The following PLEKHA8 variants were observed in gnomAD, a reference collection of about 807,000 sequenced individuals.
PLEKHA8 encodes the protein pleckstrin homology domain containing A8, also known as pleckstrin homology domain-containing family A member 8.
In PLEKHA8, 36 loss-of-function variants were observed where a neutral mutation model predicts 68.2. The ratio of observed to expected loss-of-function variants is 0.53; its 90% confidence interval spans 0.40 to 0.70. The LOEUF is 0.70. PLEKHA8 is among the 30% of genes least tolerant of loss of function. PLEKHA8 has a pLI of 0.00. For missense variants in PLEKHA8, 505 were observed against 615.4 expected, an observed-to-expected ratio of 0.82 and a Z score of 1.90; for synonymous variants, 211 against 216.1, an observed-to-expected ratio of 0.98 and a Z score of 0.20.
intron 9 of PLEKHA8, among the ~76,000 whole-genome samples, chr7:30,057,941 T>A (rs1793126451): frequency 6.6e-6 from 1 of 152,246 alleles, no homozygotes; most frequent in African/African-American, 2.4e-5. Context: ...GTATTTTAGT[T>A]GTTTGACTTC....
chr7:30,114,155 C>T (rs894405971), intron 13 of PLEKHA8, among the ~76,000 whole-genome samples: 1 of 152,056 alleles, frequency 6.6e-6, no homozygotes, highest in South Asian at 2.1e-4. Context: ...CACCTCAGTC[C>T]CCCAAAGTGC....
At chr7:30,104,713 C>CT (rs34669397) in intron 13 of PLEKHA8, among the ~76,000 whole-genome samples, 7,486 of 102,834 alleles carry the variant, frequency 0.073, 862 homozygotes, top group Non-Finnish European at 0.1. Flanking sequence ...GTCACAACAG[C>CT]TTTTTTTTTT....
intron 13 of PLEKHA8, 52 bp downstream of exon 13, chr7:30,074,184 G>A (rs979572030): frequency 2.7e-6 from 4 of 1,499,890 alleles, no homozygotes; most frequent in African/African-American, 2.8e-5. Flanking sequence ...TATGCCAGTG[G>A]CTAGGGCTAG....
chr7:30,046,216 C>G lies in PLEKHA8; in HGVS notation c.164C>G (p.Ser55Cys). The change falls in exon 3 of 14, where the codon TCT (serine) becomes TGT (cysteine). Residue 55 changes from serine (S) to cysteine (C), a missense_variant. Transcript: ENST00000449726. ...CCCTCTGTCTTGCTCCCAGTTCATT[C>G]TGTAGATAATACACGCATGGACCTG... ...QMAVCEIQVH[S>C]VDNTRMDLII... 1 of 1,601,222 alleles carries G rather than the reference C, an allele frequency of 6.2e-7. No individual in the cohort carries two copies. Among genetic ancestry groups the G allele is most frequent in the Non-Finnish European group, 8.5e-7 (1 of 1,173,770 alleles).
In PLEKHA8 at chr7:30,078,864, C is replaced by T; in HGVS notation, c.*77C>T. The T allele has an allele frequency of 6.6e-7, 1 of 1,525,210 alleles. No homozygotes were observed. The highest frequency in any genetic ancestry group is 8.8e-7 in the Non-Finnish European group (1 of 1,135,546). 94.5% of individuals were successfully genotyped at this position (1,525,210 alleles called of 1,614,324 possible). ...TGTTGCCCTACTTAATTTCCAGCAA[C>T]AGCCTCAACCCTCTCCAACCCCTTC... On this transcript the variant is annotated 3_prime_UTR_variant, in exon 14 of 14. Transcript: ENST00000449726.
downstream of PLEKHA8, among the ~76,000 whole-genome samples, chr7:30,088,911 G>C (rs1171216672): frequency 6.9e-6 from 1 of 145,146 alleles, no homozygotes; most frequent in Non-Finnish European, 1.5e-5. Flanking sequence ...TGGGGGTGTT[G>C]TAGGGTGGGG....
downstream of PLEKHA8, among the ~76,000 whole-genome samples, chr7:30,095,058 G>A (rs1042432354): frequency 2.6e-5 from 4 of 152,142 alleles, no homozygotes; most frequent in Non-Finnish European, 4.4e-5. Flanking sequence ...GGATGGCTGG[G>A]TCAAATGGTA....
intron 1 of PLEKHA8, among the ~76,000 whole-genome samples, chr7:30,032,474 A>G (rs1790739592): frequency 6.6e-6 from 1 of 152,230 alleles, no homozygotes; most frequent in Non-Finnish European, 1.5e-5. Flanking sequence ...TTCAAAAAAC[A>G]GTTGCCTTTA....
rs747503891 is a variant in PLEKHA8, at chr7:30,054,880, T to G, written c.953+15T>G. On this transcript the variant is annotated intron_variant, in intron 8 of 13. Transcript: ENST00000449726. ...ATGAACACAAGGTATTCTAGACTCT[T>G]TAATATCACTGATGCTTGGATACTA... 22 of 1,579,664 alleles carry G rather than the reference T, an allele frequency of 1.4e-5. No individual in the cohort carries two copies. The highest frequency in any genetic ancestry group is 1.9e-5 in the Non-Finnish European group (22 of 1,160,518).
In PLEKHA8 at chr7:30,054,416, C is replaced by A. The variant is rs144725140; in HGVS notation, c.797-293C>A. Among the ~76,000 whole-genome samples, 356 of 152,048 alleles carry A rather than the reference C, an allele frequency of 2.3e-3. 1 individual carries two copies. Among genetic ancestry groups the A allele is most frequent in the African/African-American group, 8.1e-3 (335 of 41,494 alleles). On this transcript the variant is annotated intron_variant, in intron 7 of 13. Coordinates refer to ENST00000449726, the MANE Select transcript of PLEKHA8 (RefSeq NM_001197026.2). ...AAAATTTTGGAAGCTACCTAAGTGC[C>A]CCTCATGGATATGATACAATATAAC...
Position 30,055,302 on chromosome 7 carries a change from A to T in PLEKHA8, c.999A>T (p.Glu333Asp), listed in dbSNP as rs1792753646. The part of the protein sequence containing the change: ...ELLEDSGIPT[E>D]AFLASCYAVV... The stretch of plus-strand genomic sequence containing the variant: ...TGGAAGACAGTGGCATTCCCACAGA[A>T]GCATTCTTGGCATCATGTTATGCTG... Residue 333 changes from glutamate to aspartate, a missense_variant, in exon 9 of 14, where the codon GAA becomes GAT. Glu to Asp is a conservative substitution (Grantham distance 45). Transcript: ENST00000449726. 1 of 1,614,166 alleles carries T rather than the reference A, an allele frequency of 6.2e-7. No homozygotes were observed. Among genetic ancestry groups the T allele is most frequent in the East Asian group, 2.2e-5 (1 of 44,866 alleles).
At chr7:30,059,324 T>C (rs900057795) in intron 9 of PLEKHA8, among the ~76,000 whole-genome samples, 4 of 152,258 alleles carry the variant, frequency 2.6e-5, no homozygotes, top group African/African-American at 9.6e-5. Context: ...TAATAGCATG[T>C]ACATGCAAAT....
Position 30,081,391 on chromosome 7 carries a change from T to C in PLEKHA8, c.*2604T>C. 3.0e-6 allele frequency: 3 copies of C among 984,612 alleles called. No homozygotes were observed. The highest frequency in any genetic ancestry group is 3.6e-6 in the Non-Finnish European group (3 of 829,160). The allele number at this position is 984,612 out of a possible 1,614,324, so 61.0% of individuals were successfully genotyped here. On this transcript the variant is annotated 3_prime_UTR_variant, in exon 14 of 14. Coordinates refer to ENST00000449726, the MANE Select transcript of PLEKHA8 (RefSeq NM_001197026.2). ...ATTAGAAATTAGAAATTGAACCTAA[T>C]ACTAAACAGTAAATTCAGCTTAACC...
At chr7:30,116,498 A>G (rs1179400693) in intron 13 of PLEKHA8, among the ~76,000 whole-genome samples, 1 of 152,132 alleles carries the variant, frequency 6.6e-6, no homozygotes, top group Non-Finnish European at 1.5e-5. Flanking sequence ...AATGAGGGGC[A>G]TCTTCTTGCA....
rs1257966810 is a variant in PLEKHA8, at chr7:30,049,363, C to T, written c.578C>T (p.Ala193Val). 2 of 1,614,008 alleles carry T rather than the reference C, an allele frequency of 1.2e-6. No individual in the cohort carries two copies. Among genetic ancestry groups the T allele is most frequent in the African/African-American group, 1.3e-5 (1 of 75,024 alleles). The change falls in exon 5 of 14, where the codon GCC (alanine) becomes GTC (valine). Residue 193 changes from alanine (A) to valine (V), a missense_variant. By Grantham distance (64) the Ala-to-Val change is moderately conservative. Coordinates refer to ENST00000449726, the MANE Select transcript of PLEKHA8 (RefSeq NM_001197026.2). The part of the protein sequence containing the change: ...YRTPPGSPQL[A>V]MLKSSKMKHP... ...ACTCCACCAGGATCACCTCAGCTGG[C>T]CATGCTCAAGTCCAGCAAGGTAAAA...
chr7:30,082,631 A>G lies in PLEKHA8; in HGVS notation c.*3844A>G. On this transcript the variant is annotated 3_prime_UTR_variant, in exon 14 of 14. Transcript: ENST00000449726. Reference sequence around the variant, plus strand: ...ATATTAACAAAAAGTTGATGCTTTTAACTTTATATTTTCAGAAAAGTGTTT... The same window carrying G: ...ATATTAACAAAAAGTTGATGCTTTTGACTTTATATTTTCAGAAAAGTGTTT... 2 of 984,418 alleles carry G rather than the reference A, an allele frequency of 2.0e-6. No homozygotes were observed. Among genetic ancestry groups the G allele is most frequent in the Non-Finnish European group, 2.4e-6 (2 of 829,016 alleles). The allele number at this position is 984,418 out of a possible 1,614,324, so 61.0% of individuals were successfully genotyped here. A position where few individuals can be genotyped will look rare whatever the true frequency, so the allele number is the denominator to read the frequency against.
In PLEKHA8 at chr7:30,079,998, A is replaced by C. The variant is rs913043151; in HGVS notation, c.*1211A>C. On this transcript the variant is annotated 3_prime_UTR_variant, in exon 14 of 14. Transcript: ENST00000449726. ...GTTCATTCAGCAGCATTCTTAATTG[A>C]GCCAGCATTGACACCCAGCCAGCAG... 1.0e-6 allele frequency: 1 copy of C among 985,162 alleles called. No homozygotes were observed. The allele number at this position is 985,162 out of a possible 1,614,324, so 61.0% of individuals were successfully genotyped here.
chr7:30,109,586 CAAAAAAAA>C (rs1166200858), intron 13 of PLEKHA8, among the ~76,000 whole-genome samples: 1,940 of 41,552 alleles, frequency 0.047, 34 homozygotes, highest in East Asian at 0.1. Context: ...AACTCTGTCT[CAAAAAAAA>C]AAAAAAAAAA....
chr7:30,096,638 T>G (rs1202327845), intron 13 of PLEKHA8, among the ~76,000 whole-genome samples: 1 of 152,198 alleles, frequency 6.6e-6, no homozygotes, highest in African/African-American at 2.4e-5. Context: ...TATCTGAGAC[T>G]AGGATTGCAA....
Sources: allele counts gnomAD v4.1 joint callset (sites outside exome capture counted in the v4.1 genomes callset), GRCh38; gene constraint gnomAD v4.1.1; transcripts MANE v1.5; gene names NCBI Gene and HGNC (gene_info 2026-07-23, HGNC 2026-07-21).